GMDS: variants seen among roughly 807,000 people sequenced by gnomAD.
The protein encoded by GMDS is GDP-mannose 4,6 dehydratase.
Under a neutral mutation model 49.9 loss-of-function variants are expected in GMDS, and 20 were observed. The ratio of observed to expected loss-of-function variants is 0.40; its 90% CI spans 0.28 to 0.58. The LOEUF is 0.58. Ranked by LOEUF, GMDS falls within the 20% of genes least tolerant of loss-of-function variation. The pLI is 0.42. For missense variants in GMDS, 362 were observed against 481.4 expected, an observed-to-expected ratio of 0.75 and a Z score of 2.32; for synonymous variants, 177 against 178.6, an observed-to-expected ratio of 0.99 and a Z score of 0.07.
rs111490581 is a variant in GMDS at position 2,070,353 on chromosome 6, G to A, written c.345+45418C>T. ...TTAGTGGGTGCAGTGCACCAGCATGGCACATGTATACATATGTAACTAACC... is the reference window on the plus strand; with the variant it reads ...TTAGTGGGTGCAGTGCACCAGCATGACACATGTATACATATGTAACTAACC... On this transcript the variant is annotated intron_variant, in intron 4 of 10. Coordinates refer to ENST00000380815, the MANE Select transcript of GMDS (RefSeq NM_001500.4). Among the ~76,000 whole-genome samples the A allele has an allele frequency of 1.4e-4, 21 of 151,514 alleles. 1 individual carries two copies. The highest frequency in any genetic ancestry group is 4.8e-4 in the African/African-American group (20 of 41,306).
chr6:1,699,415 G>C (rs1051533587), intron 9 of GMDS, among the ~76,000 whole-genome samples: 2 of 151,980 alleles, frequency 1.3e-5, no homozygotes, highest in Non-Finnish European at 2.9e-5. Flanking sequence ...GAGGGGAGAG[G>C]CTGGAGCCAG....
At chr6:1,843,940 A>T (rs1335845139) in intron 7 of GMDS, among the ~76,000 whole-genome samples, 1 of 152,102 alleles carries the variant, frequency 6.6e-6, no homozygotes, top group Non-Finnish European at 1.5e-5. Context: ...AATGCAGGAG[A>T]GCTGTGGTGT....
At chr6:1,743,877 C>T (rs974766310) in intron 7 of GMDS, among the ~76,000 whole-genome samples, 1 of 151,880 alleles carries the variant, frequency 6.6e-6, no homozygotes, top group Non-Finnish European at 1.5e-5. Context: ...ATCACTTCCA[C>T]CCACTTCTCA....
chr6:1,734,656 C>T (rs1766940781), intron 8 of GMDS, among the ~76,000 whole-genome samples: 1 of 152,210 alleles, frequency 6.6e-6, no homozygotes, highest in Non-Finnish European at 1.5e-5. Flanking sequence ...ACATTAATTT[C>T]AGTAAGAGTG....
chr6:1,979,140 T>C (rs1397706700), intron 4 of GMDS, among the ~76,000 whole-genome samples: 2 of 152,194 alleles, frequency 1.3e-5, no homozygotes, highest in Non-Finnish European at 2.9e-5. Context: ...GGAGTGCCCC[T>C]TTTCCTCCAA....
rs1218995528 is a variant in GMDS at position 1,920,067 on chromosome 6, A to T, written c.771+10036T>A. ...GGCATTACTGCTATAATTCCTTCCC[A>T]CGGAATAAGCAGAAGAGATGTTTTC... On this transcript the variant is annotated intron_variant, in intron 7 of 10. Coordinates refer to ENST00000380815, the MANE Select transcript of GMDS (RefSeq NM_001500.4). Among the ~76,000 whole-genome samples the T allele has an allele frequency of 3.3e-5, 5 of 152,260 alleles. No homozygotes were observed. The East Asian group carries it at 9.6e-4, about 29-fold the overall frequency.
At chr6:2,089,137 A>G (rs1773175534) in intron 4 of GMDS, among the ~76,000 whole-genome samples, 1 of 152,236 alleles carries the variant, frequency 6.6e-6, no homozygotes, top group Admixed American at 6.5e-5. Flanking sequence ...AATGTCATGA[A>G]TAAATGGTGC....
chr6:1,962,799 T>C (rs1764034307), intron 4 of GMDS, among the ~76,000 whole-genome samples: 1 of 151,886 alleles, frequency 6.6e-6, no homozygotes, highest in African/African-American at 2.4e-5. Flanking sequence ...ATATTCTGAA[T>C]ACAAGTCCCT....
chr6:2,245,330 G>C lies in GMDS; in HGVS notation c.93C>G (p.Ile31Met). Residue 31 changes from isoleucine to methionine, a missense_variant, in exon 1 of 11, where the codon ATC becomes ATG. By Grantham distance (10) the Ile-to-Met change is conservative. Transcript: ENST00000380815. ...CCGCCCCCGCACTCACCTGGCCTGT[G>C]ATACCGGTGATGAGCGCCACGTTCC... ...KPRNVALITG[I>M]TGQDGSYLAE... 1 of 1,546,932 alleles carries C rather than the reference G, an allele frequency of 6.5e-7. No individual in the cohort carries two copies.
intron 6 of GMDS, among the ~76,000 whole-genome samples, chr6:1,943,825 A>T (rs575568122): frequency 6.6e-6 from 1 of 152,302 alleles, no homozygotes; most frequent in East Asian, 1.9e-4. Flanking sequence ...TTTTACCTCT[A>T]TAATCAGAGC....
intron 9 of GMDS, among the ~76,000 whole-genome samples, chr6:1,662,161 A>G (rs1471217086): frequency 6.6e-6 from 1 of 152,178 alleles, no homozygotes; most frequent in Non-Finnish European, 1.5e-5. Flanking sequence ...CCTTTACAGC[A>G]TTCACTTATT....
At chr6:2,005,230 GT>G in intron 4 of GMDS, among the ~76,000 whole-genome samples, 1 of 152,182 alleles carries the variant, frequency 6.6e-6, no homozygotes, top group South Asian at 2.1e-4. Flanking sequence ...GATTAATAAC[GT>G]TTTAAATTAC....
At chr6:2,197,361 G>A (rs1349072899) in intron 1 of GMDS, among the ~76,000 whole-genome samples, 1 of 152,188 alleles carries the variant, frequency 6.6e-6, no homozygotes, top group Non-Finnish European at 1.5e-5. Context: ...GAGGGTAGAT[G>A]CTATTAAAAG....
chr6:1,726,002 C>T (rs1341261476), intron 9 of GMDS, among the ~76,000 whole-genome samples: 1 of 152,194 alleles, frequency 6.6e-6, no homozygotes, highest in Non-Finnish European at 1.5e-5. Flanking sequence ...CAAGTATGCA[C>T]TTGTGTATGA....
At chr6:2,021,861 C>T (rs1296516663) in intron 4 of GMDS, among the ~76,000 whole-genome samples, 2 of 152,182 alleles carry the variant, frequency 1.3e-5, no homozygotes, top group Non-Finnish European at 2.9e-5. Context: ...GCCAGGCTTC[C>T]TCAGCTGGAT....
chr6:2,038,272 G>A (rs1195060186), intron 4 of GMDS, among the ~76,000 whole-genome samples: 1 of 152,168 alleles, frequency 6.6e-6, no homozygotes, highest in Non-Finnish European at 1.5e-5. Context: ...TGCGAACTGG[G>A]ACAGCTAGCT....
At chr6:1,647,558 T>C (rs1020248223) in intron 9 of GMDS, among the ~76,000 whole-genome samples, 2 of 152,306 alleles carry the variant, frequency 1.3e-5, no homozygotes, top group African/African-American at 4.8e-5. Context: ...AAATAGGTAC[T>C]AGACTCTGAA....
At chr6:2,116,464 C>A (rs1244995929) in intron 3 of GMDS, among the ~76,000 whole-genome samples, 1 of 152,162 alleles carries the variant, frequency 6.6e-6, no homozygotes, top group Non-Finnish European at 1.5e-5. Context: ...GGGTGATGTA[C>A]TAACTTGATC....
rs148072555 is a variant in GMDS, at chr6:1,846,020, C to T, written c.771+84083G>A. Among the ~76,000 whole-genome samples, 13 of 151,634 alleles carry T rather than the reference C, an allele frequency of 8.6e-5. No homozygotes were observed. The East Asian group carries it at 2.5e-3, about 30-fold the overall frequency. On this transcript the variant is annotated intron_variant, in intron 7 of 10. Coordinates refer to ENST00000380815, the MANE Select transcript of GMDS (RefSeq NM_001500.4). ...TATGATCCCTGGGATACCAGGTGTCCTGTGGTCTTTTTGATAATATTAGAT... is the reference window on the plus strand; with the variant it reads ...TATGATCCCTGGGATACCAGGTGTCTTGTGGTCTTTTTGATAATATTAGAT...
Sources: gnomAD v4.1 joint callset for allele counts (sites outside exome capture counted in the v4.1 genomes callset) on GRCh38, gnomAD v4.1.1 for gene constraint, MANE v1.5 for transcripts, NCBI Gene and HGNC (gene_info 2026-07-23, HGNC 2026-07-21) for gene names.